The following SOX6 variants were observed in gnomAD, a reference collection of about 807,000 sequenced individuals.
SOX6 encodes the protein SRY-box transcription factor 6.
A neutral mutation model predicts 97.8 loss-of-function variants in SOX6; 11 were observed. That is an observed-to-expected ratio of 0.11 (90% CI 0.07 to 0.19). The LOEUF is 0.19. SOX6 is among the 10% of genes least tolerant of loss of function. The probability of loss-of-function intolerance (pLI) is 1.00; values close to 1 mark genes in which losing one functional copy is unlikely to be tolerated. For missense variants in SOX6, 810 were observed against 1,039.5 expected, an observed-to-expected ratio of 0.78 and a Z score of 3.04; for synonymous variants, 360 against 371.4, an observed-to-expected ratio of 0.97 and a Z score of 0.35.
chr11:16,148,690 A>G (rs1290778302), intron 6 of SOX6, among the ~76,000 whole-genome samples: 1 of 152,090 alleles, frequency 6.6e-6, no homozygotes, highest in Non-Finnish European at 1.5e-5. Flanking sequence ...ACCCACGCAC[A>G]CTAAAAAATA....
chr11:16,101,164 A>G (rs1292496438), intron 7 of SOX6, among the ~76,000 whole-genome samples: 1 of 151,670 alleles, frequency 6.6e-6, no homozygotes, highest in Non-Finnish European at 1.5e-5. Context: ...AAACTTGAAC[A>G]TACCACTTAG....
At chr11:16,202,268 C>T (rs72867919) in intron 4 of SOX6, among the ~76,000 whole-genome samples, 24 of 152,080 alleles carry the variant, frequency 1.6e-4, no homozygotes, top group Non-Finnish European at 2.9e-4. Flanking sequence ...GATTCTAAGG[C>T]CATGTTATTA....
chr11:16,464,754 A>G (rs1206738542), intron 1 of SOX6, among the ~76,000 whole-genome samples: 1 of 152,218 alleles, frequency 6.6e-6, no homozygotes, highest in Non-Finnish European at 1.5e-5. Flanking sequence ...ATACACATCT[A>G]TATTAATCTT....
Position 16,709,602 on chromosome 11 carries a change from G to A in SOX6, n.429+5228C>T, listed in dbSNP as rs189991298. On this transcript the variant is annotated intron_variant and non_coding_transcript_variant, in intron 3 of 5. Coordinates refer to the SOX6 transcript ENST00000524520. ...CCTTTGCCTTCCACTATAAGAAAAA[G>A]CTCCCTGAGGCCTCCCCAGAAGCCA... Among the ~76,000 whole-genome samples the A allele has an allele frequency of 4.6e-5, 7 of 152,156 alleles. 1 individual carries two copies. The East Asian group carries it at 1.2e-3, about 25-fold the overall frequency.
intron 1 of SOX6, among the ~76,000 whole-genome samples, chr11:16,737,021 A>C (rs557169771): frequency 6.6e-6 from 1 of 152,288 alleles, no homozygotes; most frequent in South Asian, 2.1e-4. Context: ...TGACTGCATA[A>C]ATTTAAAAAC....
intron 3 of SOX6, among the ~76,000 whole-genome samples, chr11:16,659,809 C>T (rs1269292159): frequency 9.2e-5 from 14 of 151,986 alleles, no homozygotes; most frequent in Admixed American, 4.6e-4. Flanking sequence ...CTTTTATATA[C>T]GGGGGCCTAT....
intron 3 of SOX6, chr11:16,313,628 T>C (rs1318285707): frequency 6.6e-6 from 1 of 152,092 alleles, no homozygotes; most frequent in Non-Finnish European, 1.5e-5. Flanking sequence ...ATCCTAAACT[T>C]TTTAATGACC....
At chr11:16,553,478 T>C (rs544136393) in intron 4 of SOX6, among the ~76,000 whole-genome samples, 11 of 152,280 alleles carry the variant, frequency 7.2e-5, no homozygotes, top group Admixed American at 7.2e-4. Flanking sequence ...GTTGTTGCCA[T>C]AGCACTTATA....
intron 4 of SOX6, among the ~76,000 whole-genome samples, chr11:16,510,497 T>G (rs1262374428): frequency 1.3e-5 from 2 of 152,100 alleles, no homozygotes; most frequent in African/African-American, 4.8e-5. Flanking sequence ...TTTATAAATC[T>G]ATGCACTACC....
At chr11:16,197,194 C>T (rs2134121336) in intron 4 of SOX6, among the ~76,000 whole-genome samples, 1 of 152,176 alleles carries the variant, frequency 6.6e-6, no homozygotes, top group South Asian at 2.1e-4. Flanking sequence ...CCAGGTCTGT[C>T]ATGAAACACA....
chr11:16,647,648 C>T (rs1849033349), intron 3 of SOX6, among the ~76,000 whole-genome samples: 1 of 152,172 alleles, frequency 6.6e-6, no homozygotes, highest in African/African-American at 2.4e-5. Context: ...TGACATGCTG[C>T]TGTAAGTTCC....
chr11:16,325,023 TA>T (rs1379361491), intron 2 of SOX6, among the ~76,000 whole-genome samples: 1 of 152,076 alleles, frequency 6.6e-6, no homozygotes. Flanking sequence ...ATTAAAAAAT[TA>T]TGTACAGAAA....
At chr11:16,569,701 T>C (rs1256500120) in intron 4 of SOX6, among the ~76,000 whole-genome samples, 1 of 151,732 alleles carries the variant, frequency 6.6e-6, no homozygotes, top group Non-Finnish European at 1.5e-5. Context: ...ACCCCATCTC[T>C]ACTAAAAATA....
chr11:16,409,289 C>CAAAA (rs60016649), intron 1 of SOX6, among the ~76,000 whole-genome samples: 13 of 143,240 alleles, frequency 9.1e-5, no homozygotes, highest in Non-Finnish European at 1.4e-4. Flanking sequence ...AACCCCCCTC[C>CAAAA]AAAAAAAAAA....
Position 15,971,075 on chromosome 11 carries a change from G to A in SOX6, c.*1734C>T, listed in dbSNP as rs1054890050. ...TAAGTGCAGTTCATTTTGTTCACACGTAGGCAGGTCCCCATGTGGCTACAG... is the reference window on the plus strand; with the variant it reads ...TAAGTGCAGTTCATTTTGTTCACACATAGGCAGGTCCCCATGTGGCTACAG... On this transcript the variant is annotated 3_prime_UTR_variant, in exon 16 of 16. Transcript: ENST00000683767. The A allele has an allele frequency of 5.9e-5, 9 of 152,366 alleles. No homozygotes were observed. Among genetic ancestry groups the A allele is most frequent in the African/African-American group, 1.2e-4 (5 of 41,422 alleles). 9.4% of individuals were successfully genotyped at this position (152,366 alleles called of 1,614,324 possible).
chr11:16,250,114 A>C (rs1296358481), intron 3 of SOX6, among the ~76,000 whole-genome samples: 1 of 152,274 alleles, frequency 6.6e-6, no homozygotes, highest in East Asian at 1.9e-4. Context: ...TGGTACCAGC[A>C]TTACCACCTG....
chr11:16,064,288 G>C (rs1043120342), intron 9 of SOX6, among the ~76,000 whole-genome samples: 2 of 151,606 alleles, frequency 1.3e-5, no homozygotes, highest in Non-Finnish European at 3.0e-5. Context: ...ATTGGGACCA[G>C]TATGCTCCAG....
chr11:16,120,583 C>T (rs370805532), intron 6 of SOX6, among the ~76,000 whole-genome samples: 5 of 128,624 alleles, frequency 3.9e-5, no homozygotes, highest in African/African-American at 1.1e-4. Context: ...TATATATATA[C>T]ACACACTTTT....
chr11:16,088,640 A>T (rs1483506046), intron 9 of SOX6, among the ~76,000 whole-genome samples: 5 of 152,196 alleles, frequency 3.3e-5, no homozygotes, highest in Non-Finnish European at 7.3e-5. Context: ...CTAATGATAC[A>T]ATAAGTGTTA....
Sources: gnomAD v4.1 joint callset for allele counts (sites outside exome capture counted in the v4.1 genomes callset) on GRCh38, gnomAD v4.1.1 for gene constraint, MANE v1.5 for transcripts, NCBI Gene and HGNC (gene_info 2026-07-23, HGNC 2026-07-21) for gene names.